Variants in FOXK1 observed in about 807,000 individuals in gnomAD.
FOXK1 encodes the protein forkhead box protein K1.
FOXK1 carries 19 observed loss-of-function variants against 51.9 expected under a neutral mutation model. The observed-to-expected ratio is 0.37, with a 90% CI of 0.26 to 0.54. FOXK1 has a LOEUF of 0.54. Ranked by LOEUF, FOXK1 falls within the 20% of genes least tolerant of loss-of-function variation. The pLI is 0.87. For synonymous variants in FOXK1, 537 were observed against 482.6 expected (o/e 1.11, Z -1.48); for missense variants, 870 against 1,032.7 (o/e 0.84, Z 2.16).
rs1780750021 is a variant in FOXK1, at chr7:4,749,679, C to T, written c.747-4780C>T. Among the ~76,000 whole-genome samples, 1 of 152,180 alleles carries T rather than the reference C, an allele frequency of 6.6e-6. No homozygotes were observed. The highest frequency in any genetic ancestry group is 1.5e-5 in the Non-Finnish European group (1 of 68,034). Reference sequence around the variant, plus strand: ...GGGCCTGCCGGAAGCGATAACTGTCCCGACCCTAGGCCTCTCAGGGTGGCC... The same window carrying T: ...GGGCCTGCCGGAAGCGATAACTGTCTCGACCCTAGGCCTCTCAGGGTGGCC... On this transcript the variant is annotated intron_variant, in intron 2 of 8. Transcript: ENST00000328914. The surrounding 1 kb of genome is among the most constrained non-coding windows in gnomAD (Gnocchi z 6.0).
At chr7:4,727,812 C>T (rs1253972743) in intron 1 of FOXK1, among the ~76,000 whole-genome samples, 1 of 152,238 alleles carries the variant, frequency 6.6e-6, no homozygotes, top group Non-Finnish European at 1.5e-5. Context: ...GAGATTATAA[C>T]TTGTTTGCCA....
At position 4,755,142 on chromosome 7, in the gene FOXK1, C is replaced by T. The variant is rs990306197; in HGVS notation, c.904-95C>T. The T allele has an allele frequency of 3.6e-5, 53 of 1,485,934 alleles. No individual in the cohort carries two copies. The highest frequency in any genetic ancestry group is 5.5e-5 in the Admixed American group (3 of 54,292). 92.0% of individuals were successfully genotyped at this position (1,485,934 alleles called of 1,614,324 possible). ...GGTGCCGGCAAGACGCGCACATTCTCGTGGGAAGGTTCCTCCCCATCAGCT... is the reference window on the plus strand; with the variant it reads ...GGTGCCGGCAAGACGCGCACATTCTTGTGGGAAGGTTCCTCCCCATCAGCT... On this transcript the variant is annotated intron_variant, in intron 3 of 8. Transcript: ENST00000328914. This position sits in a 1 kb window ranked among gnomAD's most constrained non-coding sequence, Gnocchi z 6.6.
In FOXK1 at chr7:4,701,124, C is replaced by T. The variant is rs566512235; in HGVS notation, c.560+18256C>T. Reference sequence around the variant, plus strand: ...ATTCCTAGGCAGCATCTTGCACTGGCTGGAGAACGGGCTTCCTATCTCCAA... The same window carrying T: ...ATTCCTAGGCAGCATCTTGCACTGGTTGGAGAACGGGCTTCCTATCTCCAA... On this transcript the variant is annotated intron_variant, in intron 1 of 8. Transcript: ENST00000328914. Among the ~76,000 whole-genome samples the T allele has an allele frequency of 1.5e-4, 23 of 152,324 alleles. No homozygotes were observed. In the South Asian group the frequency reaches 4.8e-3, roughly 32 times the overall value.
chr7:4,766,210 C>G lies in FOXK1; in HGVS notation c.*3746C>G, dbSNP rs1348285200. On this transcript the variant is annotated 3_prime_UTR_variant, in exon 9 of 9. Coordinates refer to ENST00000328914, the MANE Select transcript of FOXK1 (RefSeq NM_001037165.2). The surrounding 1 kb of genome is among the most constrained non-coding windows in gnomAD (Gnocchi z 5.5). ...TTCCTAAAAACCTCAACGTTAATCCCTCACCAGTCGGGCCGAGTGTGGCCT... is the reference window on the plus strand; with the variant it reads ...TTCCTAAAAACCTCAACGTTAATCCGTCACCAGTCGGGCCGAGTGTGGCCT... 6.6e-6 allele frequency: 1 copy of G among 151,968 alleles called. No homozygotes were observed. Among genetic ancestry groups the G allele is most frequent in the Non-Finnish European group, 1.5e-5 (1 of 68,054 alleles). The allele number at this position is 151,968 out of a possible 1,614,324, so 9.4% of individuals were successfully genotyped here. A position where few individuals can be genotyped will look rare whatever the true frequency, so the allele number is the denominator to read the frequency against.
chr7:4,737,940 T>C (rs1346398005), intron 1 of FOXK1, among the ~76,000 whole-genome samples: 2 of 151,784 alleles, frequency 1.3e-5, no homozygotes, highest in African/African-American at 2.4e-5. Context: ...CTGACCAACA[T>C]GGAAAAACCC....
At position 4,683,383 on chromosome 7, in the gene FOXK1, C is replaced by G. The variant is rs939583425; in HGVS notation, c.560+515C>G. ...CCCTGGGGTCATCTACGTCCCTACC[C>G]TGCCTAAACACGCAAGGTTAACCGC... On this transcript the variant is annotated intron_variant, in intron 1 of 8. Transcript: ENST00000328914. This position sits in a 1 kb window ranked among gnomAD's most constrained non-coding sequence, Gnocchi z 4.5. Among the ~76,000 whole-genome samples, 1 of 151,982 alleles carries G rather than the reference C, an allele frequency of 6.6e-6. No individual in the cohort carries two copies. The highest frequency in any genetic ancestry group is 1.5e-5 in the Non-Finnish European group (1 of 67,986).
intron 1 of FOXK1, among the ~76,000 whole-genome samples, chr7:4,738,451 GA>G (rs1226745674): frequency 1.6e-4 from 24 of 149,884 alleles, no homozygotes; most frequent in Admixed American, 1.5e-3. Context: ...AAAAAAAAAA[GA>G]AAAAAGAAAA....
chr7:4,753,219 A>AT lies in FOXK1; in HGVS notation c.747-1233dup, dbSNP rs550368473. ...CTGTCAGGTTTTTCTCAGCCACAGGATTTTTTTCATTCATTCCTCTGCTCC... is the reference window on the plus strand; with the variant it reads ...CTGTCAGGTTTTTCTCAGCCACAGGATTTTTTTTCATTCATTCCTCTGCTCC... On this transcript the variant is annotated intron_variant, in intron 2 of 8. Coordinates refer to ENST00000328914, the MANE Select transcript of FOXK1 (RefSeq NM_001037165.2). This position sits in a 1 kb window ranked among gnomAD's most constrained non-coding sequence, Gnocchi z 4.9. 2.6e-5 allele frequency among the ~76,000 whole-genome samples: 4 copies of AT among 152,112 alleles called. No homozygotes were observed. Among genetic ancestry groups the AT allele is most frequent in the Admixed American group, 1.3e-4 (2 of 15,268 alleles).
intron 2 of FOXK1, among the ~76,000 whole-genome samples, chr7:4,751,288 T>A (rs1383390484): frequency 6.8e-6 from 1 of 146,592 alleles, no homozygotes; most frequent in Non-Finnish European, 1.5e-5. Flanking sequence ...CCCAAAAGCA[T>A]TGGGATTACC....
chr7:4,720,041 T>A (rs1227380095), intron 1 of FOXK1, among the ~76,000 whole-genome samples: 1 of 152,200 alleles, frequency 6.6e-6, no homozygotes, highest in Non-Finnish European at 1.5e-5. Context: ...CTTTTATAGA[T>A]CCTGTTTTTG....
rs531073841 is a variant in FOXK1, at chr7:4,756,222, C to G, written c.1051-772C>G. 4.6e-5 allele frequency among the ~76,000 whole-genome samples: 7 copies of G among 152,268 alleles called. No individual in the cohort carries two copies. The highest frequency in any genetic ancestry group is 1.7e-4 in the African/African-American group (7 of 41,574). On this transcript the variant is annotated intron_variant, in intron 4 of 8. Coordinates refer to ENST00000328914, the MANE Select transcript of FOXK1 (RefSeq NM_001037165.2). The surrounding 1 kb of genome is among the most constrained non-coding windows in gnomAD (Gnocchi z 4.1). ...CTTCGCCTCCCAGGTTCAAGCGATT[C>G]TTCTGCTTCAGCCTCCCAAGTAGCT...
intron 1 of FOXK1, among the ~76,000 whole-genome samples, chr7:4,719,777 C>T (rs547537547): frequency 1.6e-4 from 24 of 152,308 alleles, no homozygotes; most frequent in African/African-American, 4.6e-4. Context: ...CCACCGCGCC[C>T]GGCCTGCATT....
intron 1 of FOXK1, among the ~76,000 whole-genome samples, chr7:4,691,071 G>A (rs928744782): frequency 1.3e-5 from 2 of 152,080 alleles, no homozygotes; most frequent in East Asian, 1.9e-4. Flanking sequence ...AAATGTTGCC[G>A]GGTAATTAAA....
rs879137626 is a variant in FOXK1, at chr7:4,712,830, C to A, written c.561-28008C>A. Among the ~76,000 whole-genome samples the A allele has an allele frequency of 3.3e-5, 5 of 152,102 alleles. No homozygotes were observed. In the South Asian group the frequency reaches 1.0e-3, roughly 31 times the overall value. On this transcript the variant is annotated intron_variant, in intron 1 of 8. Coordinates refer to ENST00000328914, the MANE Select transcript of FOXK1 (RefSeq NM_001037165.2). ...CAGGGCAGGGTTTATTGACACACAG[C>A]GGCGTGATGAGGATGGAGTGGTAGG...
intron 2 of FOXK1, among the ~76,000 whole-genome samples, chr7:4,752,769 GGTGCACAGGC>G (rs1290048230): frequency 7.2e-5 from 11 of 152,232 alleles, no homozygotes; most frequent in African/African-American, 2.7e-4. Context: ...TCTGGGACCG[GGTGCACAGGC>G]GTGTGCTGGC....
intron 1 of FOXK1, among the ~76,000 whole-genome samples, chr7:4,696,205 C>G (rs1285173182): frequency 6.6e-6 from 1 of 151,718 alleles, no homozygotes; most frequent in Non-Finnish European, 1.5e-5. Context: ...TGTCTTAACT[C>G]TCCTTCTTGA....
At position 4,734,571 on chromosome 7, in the gene FOXK1, C is replaced by G. The variant is rs569948177; in HGVS notation, c.561-6267C>G. Among the ~76,000 whole-genome samples the G allele has an allele frequency of 4.6e-5, 7 of 152,222 alleles. No homozygotes were observed. The highest frequency in any genetic ancestry group is 1.7e-4 in the African/African-American group (7 of 41,462). On this transcript the variant is annotated intron_variant, in intron 1 of 8. Transcript: ENST00000328914. This position sits in a 1 kb window ranked among gnomAD's most constrained non-coding sequence, Gnocchi z 5.2. ...GGAGGTGCCCCCCGGCCCACCCCCC[C>G]GCTGCCCAAGTGTGCGTGGGCATCG...
In FOXK1 at chr7:4,723,391, T is replaced by G. The variant is rs1002277402; in HGVS notation, c.561-17447T>G. 5.4e-5 allele frequency among the ~76,000 whole-genome samples: 8 copies of G among 147,554 alleles called. No individual in the cohort carries two copies. Among genetic ancestry groups the G allele is most frequent in the African/African-American group, 1.7e-4 (7 of 40,292 alleles). ...AAAGCTGTTTTTGTTTTCTGTGGGG[T>G]TTTTTTTTTGGACGTTCCCAGCTGA... On this transcript the variant is annotated intron_variant, in intron 1 of 8. Transcript: ENST00000328914. The surrounding 1 kb of genome is among the most constrained non-coding windows in gnomAD (Gnocchi z 4.7).
chr7:4,702,092 GCAA>G (rs993357182), intron 1 of FOXK1, among the ~76,000 whole-genome samples: 4 of 151,918 alleles, frequency 2.6e-5, no homozygotes, highest in African/African-American at 4.8e-5. Context: ...ACCCCAAAAA[GCAA>G]CAACAACAAA....
Sources: allele counts gnomAD v4.1 joint callset (sites outside exome capture counted in the v4.1 genomes callset), GRCh38; gene constraint gnomAD v4.1.1; non-coding constraint Gnocchi (gnomAD v3.1); transcripts MANE v1.5; gene names NCBI Gene and HGNC (gene_info 2026-07-23, HGNC 2026-07-21).